Variants in RTN4RL1 observed in about 807,000 individuals in gnomAD.
The protein encoded by RTN4RL1 is reticulon-4 receptor-like 1.
A neutral mutation model predicts 25.6 loss-of-function variants in RTN4RL1; 7 were observed. The observed-to-expected ratio is 0.27, with a 90% CI of 0.16 to 0.51. The LOEUF (loss-of-function observed/expected upper bound fraction) is 0.51, where lower values mean the gene tolerates loss of function less well. Among genes scored for constraint, RTN4RL1 ranks in the 20% least tolerant of loss-of-function variants. RTN4RL1 has a pLI of 0.97. For missense variants in RTN4RL1, 500 were observed against 615.6 expected (o/e 0.81, Z 1.99); for synonymous variants, 297 against 288.2 (o/e 1.03, Z -0.31).
chr17:2,002,415 C>T (rs1451619414), intron 1 of RTN4RL1, among the ~76,000 whole-genome samples: 2 of 151,154 alleles, frequency 1.3e-5, no homozygotes, highest in Non-Finnish European at 1.5e-5. Flanking sequence ...GCCTCAGCCT[C>T]CCGAGTAGCT....
chr17:1,956,994 C>T lies in RTN4RL1; in HGVS notation c.14-19186G>A, dbSNP rs1196719469. Among the ~76,000 whole-genome samples, 3 of 152,310 alleles carry T rather than the reference C, an allele frequency of 2.0e-5. No individual in the cohort carries two copies. The East Asian group carries it at 5.8e-4, about 29-fold the overall frequency. ...ACCTCAGGTGATCCACCCGCCTTGG[C>T]CTCCCAAAGTGCTGGGATTACAGGC... On this transcript the variant is annotated intron_variant, in intron 1 of 1. Coordinates refer to ENST00000331238, the MANE Select transcript of RTN4RL1 (RefSeq NM_178568.4).
chr17:1,978,209 C>T (rs1459697409), intron 1 of RTN4RL1, among the ~76,000 whole-genome samples: 1 of 152,210 alleles, frequency 6.6e-6, no homozygotes, highest in African/African-American at 2.4e-5. Flanking sequence ...TCTGCTGTCT[C>T]CAGGCGTCGC....
At chr17:1,965,001 C>A (rs961777164) in intron 1 of RTN4RL1, among the ~76,000 whole-genome samples, 1 of 142,760 alleles carries the variant, frequency 7.0e-6, no homozygotes, top group African/African-American at 2.5e-5. Flanking sequence ...ATTGGTCAGG[C>A]TGGTCTTGAA....
At chr17:2,006,325 T>C (rs2066995426) in intron 1 of RTN4RL1, among the ~76,000 whole-genome samples, 1 of 151,770 alleles carries the variant, frequency 6.6e-6, no homozygotes, top group South Asian at 2.1e-4. Context: ...ACCCAGCTAA[T>C]TTTTTTGTAT....
rs958891088 is a variant in RTN4RL1 at position 1,936,932 on chromosome 17, C to G, written c.890G>C (p.Arg297Thr). 1.2e-6 allele frequency: 2 copies of G among 1,610,330 alleles called. No homozygotes were observed. Among genetic ancestry groups the G allele is most frequent in the Non-Finnish European group, 8.5e-7 (1 of 1,179,158 alleles). ...LRHGQDLKLL[R>T]AEDFRNCTGP... The stretch of plus-strand genomic sequence containing the variant: ...CGTGCAGTTCCGGAAGTCCTCGGCC[C>G]TCAGCAGCTTCAGGTCCTGGCCGTG... Residue 297 changes from arginine (R) to threonine (T), a missense_variant, in exon 2 of 2, where the codon AGG (arginine) becomes ACG (threonine). Arg to Thr is a moderately conservative substitution (Grantham distance 71, BLOSUM62 -1). Coordinates refer to ENST00000331238, the MANE Select transcript of RTN4RL1 (RefSeq NM_178568.4).
chr17:2,001,786 C>A (rs1048428734), intron 1 of RTN4RL1, among the ~76,000 whole-genome samples: 11 of 152,162 alleles, frequency 7.2e-5, no homozygotes, highest in African/African-American at 2.7e-4. Flanking sequence ...CTGGGCCGGG[C>A]TAGGCTGCCT....
intron 1 of RTN4RL1, 35 bp from the exon 2 acceptor site, chr17:1,937,843 C>A (rs1488566764): frequency 3.3e-6 from 5 of 1,510,214 alleles, no homozygotes; most frequent in Non-Finnish European, 4.5e-6. Context: ...AGGTCAGGGG[C>A]CGTGCAGGTG....
chr17:1,987,904 A>G (rs6503134), intron 1 of RTN4RL1, among the ~76,000 whole-genome samples: 106,909 of 151,760 alleles, frequency 0.7, 38,443 homozygotes, highest in African/African-American at 0.82. Flanking sequence ...TCAGGATTTC[A>G]AGACCATCAT....
Position 2,014,705 on chromosome 17 carries a change from A to T in RTN4RL1, c.13+10148T>A, listed in dbSNP as rs1311747739. On this transcript the variant is annotated intron_variant, in intron 1 of 1. Coordinates refer to ENST00000331238, the MANE Select transcript of RTN4RL1 (RefSeq NM_178568.4). Reference sequence around the variant, plus strand: ...AAATTAGCCGGGTGTGGTGGTGTGCACCTGTAATCCCAGCTACTCGGGAGG... The same window carrying T: ...AAATTAGCCGGGTGTGGTGGTGTGCTCCTGTAATCCCAGCTACTCGGGAGG... 3.9e-5 allele frequency among the ~76,000 whole-genome samples: 6 copies of T among 151,952 alleles called. No individual in the cohort carries two copies. The South Asian group carries it at 6.2e-4, about 16-fold the overall frequency.
intron 1 of RTN4RL1, among the ~76,000 whole-genome samples, chr17:1,946,158 C>T (rs994698405): frequency 6.6e-6 from 1 of 152,198 alleles, no homozygotes; most frequent in South Asian, 2.1e-4. Flanking sequence ...AGGGGTTTTC[C>T]AGGATGTGTG....
chr17:1,984,190 C>A (rs1015410895), intron 1 of RTN4RL1, among the ~76,000 whole-genome samples: 8 of 152,212 alleles, frequency 5.3e-5, no homozygotes, highest in Non-Finnish European at 7.4e-5. Flanking sequence ...ATTCTCCCCC[C>A]TAAAATGCAC....
At chr17:1,960,870 G>A (rs897909547) in intron 1 of RTN4RL1, among the ~76,000 whole-genome samples, 1 of 151,946 alleles carries the variant, frequency 6.6e-6, no homozygotes, top group Non-Finnish European at 1.5e-5. Flanking sequence ...GCCTTTGGGG[G>A]ACCATCTCCT....
At chr17:1,987,822 C>T (rs1042546429) in intron 1 of RTN4RL1, among the ~76,000 whole-genome samples, 6 of 152,060 alleles carry the variant, frequency 3.9e-5, no homozygotes, top group Non-Finnish European at 7.4e-5. Context: ...ATTAAGCCCT[C>T]ATGCTGGGTG....
chr17:2,000,720 A>G (rs965430758), intron 1 of RTN4RL1, among the ~76,000 whole-genome samples: 16 of 151,908 alleles, frequency 1.1e-4, no homozygotes, highest in African/African-American at 3.6e-4. Context: ...GGGTTTCGCC[A>G]TGTTGGCCAG....
At chr17:1,951,700 G>A (rs1915684427) in intron 1 of RTN4RL1, among the ~76,000 whole-genome samples, 1 of 152,040 alleles carries the variant, frequency 6.6e-6, no homozygotes, top group Non-Finnish European at 1.5e-5. Context: ...TGATCCAGCT[G>A]CCTCGGCCTC....
At chr17:1,955,647 G>A (rs1162812529) in intron 1 of RTN4RL1, among the ~76,000 whole-genome samples, 1 of 151,452 alleles carries the variant, frequency 6.6e-6, no homozygotes, top group African/African-American at 2.4e-5. Flanking sequence ...GCAGTGGCGC[G>A]ATCTCGGCTC....
At chr17:1,992,076 G>T (rs2066911253) in intron 1 of RTN4RL1, among the ~76,000 whole-genome samples, 1 of 151,566 alleles carries the variant, frequency 6.6e-6, no homozygotes, top group Admixed American at 6.6e-5. Context: ...CAGAAAAAGA[G>T]TCCTCGTGCC....
At chr17:1,946,874 C>CTGTG (rs10655112) in intron 1 of RTN4RL1, among the ~76,000 whole-genome samples, 45,165 of 142,934 alleles carry the variant, frequency 0.32, 7,576 homozygotes, top group African/African-American at 0.41. Context: ...GCACGTGTGT[C>CTGTG]TGTGTCTCTG....
In RTN4RL1 at chr17:1,977,408, C is replaced by T. The variant is rs373785991; in HGVS notation, c.14-39600G>A. 5.7e-4 allele frequency among the ~76,000 whole-genome samples: 87 copies of T among 152,326 alleles called. 3 individuals carry two copies. The South Asian group carries it at 0.018, about 31-fold the overall frequency. ...CCTGACGACCTTGGAGCCTGCCCTT[C>T]CCCACCTTCGGGGTTCTCCCTGGAT... On this transcript the variant is annotated intron_variant, in intron 1 of 1. Coordinates refer to ENST00000331238, the MANE Select transcript of RTN4RL1 (RefSeq NM_178568.4).
Sources: gnomAD v4.1 joint callset for allele counts (sites outside exome capture counted in the v4.1 genomes callset) on GRCh38, gnomAD v4.1.1 for gene constraint, MANE v1.5 for transcripts, NCBI Gene and HGNC (gene_info 2026-07-23, HGNC 2026-07-21) for gene names.